Variants in RHBDD1 observed in about 807,000 individuals in gnomAD.
The protein encoded by RHBDD1 is rhomboid-related protein 4.
Under a neutral mutation model 36.3 loss-of-function variants are expected in RHBDD1, and 38 were observed. The observed-to-expected ratio is 1.05, with a 90% CI of 0.81 to 1.37. The LOEUF is 1.37. Ranked by LOEUF, RHBDD1 falls within the 40% of genes most tolerant of loss-of-function variation. The pLI, the probability that RHBDD1 is intolerant of heterozygous loss-of-function variation, is 0.00. For synonymous variants in RHBDD1, 151 were observed against 136.5 expected (o/e 1.11, Z -0.74); for missense variants, 393 against 377.6 (o/e 1.04, Z -0.34).
intron 8 of RHBDD1, among the ~76,000 whole-genome samples, chr2:226,924,665 C>T (rs564151650): frequency 6.6e-6 from 1 of 152,308 alleles, no homozygotes; most frequent in Non-Finnish European, 1.5e-5. Flanking sequence ...CCCATGGTGT[C>T]AGGGCCTGAT....
chr2:226,906,597 T>G, intron 5 of RHBDD1, 196 bp from the exon 6 acceptor site: 2 of 1,206,892 alleles, frequency 1.7e-6, no homozygotes, highest in Non-Finnish European at 2.3e-6. Context: ...GTGGTGGTTG[T>G]TATTCATTGT....
chr2:226,831,639 G>A (rs1425559498), upstream of RHBDD1, among the ~76,000 whole-genome samples: 1 of 152,048 alleles, frequency 6.6e-6, no homozygotes, highest in East Asian at 1.9e-4. Context: ...CACTTTGATC[G>A]AGCTTCATGT....
chr2:226,984,050 C>T (rs773075483), intron 8 of RHBDD1, among the ~76,000 whole-genome samples: 3 of 152,104 alleles, frequency 2.0e-5, no homozygotes, highest in South Asian at 2.1e-4. Context: ...CTGCTGTCTC[C>T]GGCAATTATG....
intron 3 of RHBDD1, among the ~76,000 whole-genome samples, chr2:226,862,111 G>A (rs1046117409): frequency 2.6e-5 from 4 of 152,170 alleles, no homozygotes; most frequent in Non-Finnish European, 4.4e-5. Context: ...TGGGGGCATA[G>A]GAGTACATTT....
intron 3 of RHBDD1, among the ~76,000 whole-genome samples, chr2:226,851,053 T>C (rs1377567853): frequency 2.6e-5 from 4 of 152,152 alleles, no homozygotes; most frequent in South Asian, 2.1e-4. Flanking sequence ...CCTATGCCTT[T>C]CTTTCTGTTT....
intron 3 of RHBDD1, among the ~76,000 whole-genome samples, chr2:226,851,080 A>G (rs1942764727): frequency 6.6e-6 from 1 of 151,920 alleles, no homozygotes; most frequent in Admixed American, 6.5e-5. Context: ...GAGCCTAATA[A>G]CTCTGCCTCA....
chr2:226,983,353 G>A (rs1007436210), intron 8 of RHBDD1, among the ~76,000 whole-genome samples: 2 of 152,120 alleles, frequency 1.3e-5, no homozygotes, highest in East Asian at 3.8e-4. Flanking sequence ...CGGGAATGTG[G>A]CACGGAAGTA....
chr2:226,867,249 TG>T lies in RHBDD1; in HGVS notation c.500del (p.Gly167AlafsTer37). ...TGCCCTGGAGGCTTTGTCAACATTT[TG>T]GGCTTTCCTGTACCGAACAGATTTG... ...HYCPGGFVNI[L>X]GFPVPNRFAC... On this transcript the variant is annotated frameshift_variant, in exon 5 of 9. Coordinates refer to ENST00000392062, the MANE Select transcript of RHBDD1 (RefSeq NM_001167608.3). LOFTEE classifies it high-confidence loss of function. 1 of 1,613,812 alleles carries T rather than the reference TG, an allele frequency of 6.2e-7. No individual in the cohort carries two copies. Among genetic ancestry groups the T allele is most frequent in the East Asian group, 2.2e-5 (1 of 44,856 alleles).
At chr2:226,857,534 A>G (rs528969001) in intron 3 of RHBDD1, among the ~76,000 whole-genome samples, 56 of 152,222 alleles carry the variant, frequency 3.7e-4, no homozygotes, top group Non-Finnish European at 6.5e-4. Context: ...ACAAATGTCC[A>G]TCAGCTGATG....
chr2:226,969,989 TC>T (rs34121580), intron 8 of RHBDD1, among the ~76,000 whole-genome samples: 127 of 111,962 alleles, frequency 1.1e-3, no homozygotes, highest in African/African-American at 2.4e-3. Flanking sequence ...TTTACAACTG[TC>T]CCCCCCCCCT....
intron 3 of RHBDD1, among the ~76,000 whole-genome samples, chr2:226,842,095 C>G (rs893880036): frequency 5.9e-5 from 9 of 151,992 alleles, no homozygotes; most frequent in African/African-American, 2.2e-4. Context: ...TGTATGTTTT[C>G]TTTTGAGAAG....
intron 8 of RHBDD1, among the ~76,000 whole-genome samples, chr2:226,983,724 A>G (rs1220704705): frequency 6.6e-6 from 1 of 152,096 alleles, no homozygotes; most frequent in Non-Finnish European, 1.5e-5. Flanking sequence ...TTTCTGAGGG[A>G]AATGTTGGCT....
intron 8 of RHBDD1, among the ~76,000 whole-genome samples, chr2:226,929,533 C>T (rs1163764725): frequency 1.3e-5 from 2 of 152,108 alleles, no homozygotes; most frequent in African/African-American, 4.8e-5. Flanking sequence ...GACAGACTTA[C>T]AGCCAATATC....
At chr2:226,911,909 G>A (rs1356644685) in intron 7 of RHBDD1, among the ~76,000 whole-genome samples, 1 of 151,808 alleles carries the variant, frequency 6.6e-6, no homozygotes. Flanking sequence ...ACTGCACTGG[G>A]GCAAAGCTTT....
chr2:226,911,260 G>A (rs555849205), intron 7 of RHBDD1, among the ~76,000 whole-genome samples: 11 of 152,190 alleles, frequency 7.2e-5, no homozygotes, highest in South Asian at 2.1e-4. Flanking sequence ...GAAATGCTGC[G>A]TAGATCTTAC....
rs754039992 is a variant in RHBDD1 at position 226,906,804 on chromosome 2, C to T, written c.578C>T (p.Ala193Val). Reference sequence around the variant, plus strand: ...TCCTTCCCTCCTAGGACTTCCTTCGCTGGGCATCTGGCTGGGATTCTTGTT... The same window carrying T: ...TCCTTCCCTCCTAGGACTTCCTTCGTTGGGCATCTGGCTGGGATTCTTGTT... ...IHLFSPGTSF[A>V]GHLAGILVGL... Residue 193 changes from alanine (A) to valine (V), a missense_variant, in exon 6 of 9, where the codon GCT becomes GTT. Physicochemically the swap from Ala to Val is moderately conservative, Grantham distance 64. Coordinates refer to ENST00000392062, the MANE Select transcript of RHBDD1 (RefSeq NM_001167608.3). The T allele has an allele frequency of 6.2e-7, 1 of 1,614,118 alleles. No individual in the cohort carries two copies. Among genetic ancestry groups the T allele is most frequent in the South Asian group, 1.1e-5 (1 of 91,074 alleles).
At chr2:226,878,288 C>T (rs532643253) in intron 5 of RHBDD1, among the ~76,000 whole-genome samples, 4 of 151,220 alleles carry the variant, frequency 2.6e-5, no homozygotes, top group African/African-American at 7.2e-5. Context: ...TGGACTTGAA[C>T]TGTTAACTCT....
At chr2:226,884,781 C>G (rs1559231026) in intron 5 of RHBDD1, among the ~76,000 whole-genome samples, 1 of 152,204 alleles carries the variant, frequency 6.6e-6, no homozygotes, top group East Asian at 1.9e-4. Context: ...GACTCTAAAA[C>G]AAATTGCTGA....
intron 3 of RHBDD1, among the ~76,000 whole-genome samples, chr2:226,850,365 G>A (rs1043396926): frequency 1.2e-4 from 18 of 152,208 alleles, no homozygotes; most frequent in African/African-American, 3.9e-4. Flanking sequence ...TTTAATTTCT[G>A]CGGTTTCAGA....
Sources: gnomAD v4.1 joint callset for allele counts (sites outside exome capture counted in the v4.1 genomes callset) on GRCh38, gnomAD v4.1.1 for gene constraint, MANE v1.5 for transcripts, NCBI Gene and HGNC (gene_info 2026-07-23, HGNC 2026-07-21) for gene names.